The following SETD9 variants were observed in gnomAD, a reference collection of about 807,000 sequenced individuals.
The protein encoded by SETD9 is SET domain containing 9.
Under a neutral mutation model 36.4 loss-of-function variants are expected in SETD9, and 37 were observed. The ratio of observed to expected loss-of-function variants is 1.02; its 90% confidence interval spans 0.78 to 1.34. The LOEUF (loss-of-function observed/expected upper bound fraction) is 1.34. SETD9 is among the 40% of genes most tolerant of loss of function. The probability of loss-of-function intolerance (pLI) is 0.00; values close to 1 mark genes in which losing one functional copy is unlikely to be tolerated. For synonymous variants in SETD9, 128 were observed against 132.9 expected, an observed-to-expected ratio of 0.96 and a Z score of 0.26; for missense variants, 323 against 353.2, an observed-to-expected ratio of 0.91 and a Z score of 0.69.
At chr5:56,910,342 A>T (rs1749051098) in intron 1 of SETD9, 1 of 1,304,286 alleles carries the variant, frequency 7.7e-7, no homozygotes, top group Non-Finnish European at 1.0e-6. Flanking sequence ...GCGCGTTAAG[A>T]ACGGGCAGAA....
downstream of SETD9, chr5:56,919,615 AT>A (rs1749569937): frequency 6.6e-6 from 1 of 152,634 alleles, no homozygotes; most frequent in Non-Finnish European, 1.5e-5. Flanking sequence ...AGATTCCCAG[AT>A]TTTTATTTCT....
chr5:56,909,617 C>T lies in SETD9; in HGVS notation c.-29C>T, dbSNP rs373300964. The T allele has an allele frequency of 6.9e-5, 108 of 1,572,678 alleles. No homozygotes were observed. In the African/African-American group the frequency reaches 1.1e-3, roughly 15 times the overall value. On this transcript the variant is annotated 5_prime_UTR_variant, in exon 1 of 6. Coordinates refer to ENST00000285947, the MANE Select transcript of SETD9 (RefSeq NM_153706.4). ...AGGCCTCGATCCGCCTTCCCCGCGC[C>T]GTCCTGGTCACGGCCCCGCGGGGCA...
chr5:56,925,785 C>T (rs1749943824), downstream of SETD9, among the ~76,000 whole-genome samples: 2 of 151,632 alleles, frequency 1.3e-5, no homozygotes, highest in South Asian at 4.2e-4. Context: ...CCCAGAATAG[C>T]CAACATAGTA....
At chr5:56,915,507 A>G (rs920433679) in intron 5 of SETD9, among the ~76,000 whole-genome samples, 1 of 152,236 alleles carries the variant, frequency 6.6e-6, no homozygotes, top group Non-Finnish European at 1.5e-5. Flanking sequence ...ATTTTAAAAT[A>G]TAGGTAATTC....
intron 2 of SETD9, chr5:56,912,399 A>C (rs998441859): frequency 2.1e-5 from 6 of 287,200 alleles, no homozygotes; most frequent in Admixed American, 1.9e-4. Context: ...GTTTTTAAAA[A>C]TTCATTCTCC....
At chr5:56,915,123 C>T (rs1449242863) in intron 5 of SETD9, among the ~76,000 whole-genome samples, 157 bp downstream of exon 5, 1 of 152,020 alleles carries the variant, frequency 6.6e-6, no homozygotes, top group Non-Finnish European at 1.5e-5. Flanking sequence ...TTAATGTAGG[C>T]TTATTTGAAA....
chr5:56,913,548 T>A (rs1225061256), intron 3 of SETD9, among the ~76,000 whole-genome samples: 1 of 151,978 alleles, frequency 6.6e-6, no homozygotes, highest in Non-Finnish European at 1.5e-5. Flanking sequence ...CAGGCCCAGA[T>A]AATTTTTGTA....
downstream of SETD9, chr5:56,919,508 T>TAAC (rs1426329845): frequency 3.3e-5 from 5 of 152,346 alleles, no homozygotes; most frequent in East Asian, 9.6e-4. Context: ...AAAACCAATT[T>TAAC]AACAGTGGTA....
chr5:56,910,478 A>G (rs1261404852), intron 1 of SETD9: 21 of 1,132,422 alleles, frequency 1.9e-5, no homozygotes, highest in South Asian at 1.3e-4. Flanking sequence ...GGCCTCCCTG[A>G]AGTCAGTGTC....
At chr5:56,923,557 G>A (rs148258222) in intron 5 of SETD9, 158 of 1,613,816 alleles carry the variant, frequency 9.8e-5, no homozygotes, top group East Asian at 3.1e-4. Context: ...CTGTGGGGTC[G>A]CAGACGGTTG....
chr5:56,910,687 G>C (rs1026864161), intron 1 of SETD9: 1 of 235,688 alleles, frequency 4.2e-6, no homozygotes, highest in African/African-American at 2.4e-5. Flanking sequence ...CCTGGAGGGA[G>C]TGTCACAAAG....
intron 4 of SETD9, 64 bp downstream of exon 4, chr5:56,914,053 T>C: frequency 8.2e-7 from 1 of 1,214,158 alleles, no homozygotes; most frequent in African/African-American, 1.5e-5. Flanking sequence ...TCCTTTGTCA[T>C]ATGACTGAGT....
intron 3 of SETD9, 139 bp from the exon 4 acceptor site, chr5:56,913,735 T>C (rs1579812875): frequency 1.7e-6 from 1 of 585,602 alleles, no homozygotes; most frequent in East Asian, 2.8e-5. Context: ...GTGTAACAAC[T>C]CAGTTGCCCT....
intron 4 of SETD9, among the ~76,000 whole-genome samples, chr5:56,914,638 T>C (rs1282563929): frequency 1.3e-5 from 2 of 152,140 alleles, no homozygotes; most frequent in Non-Finnish European, 2.9e-5. Flanking sequence ...ATGTTTTATA[T>C]ATGTCTTTTT....
chr5:56,913,738 G>A, intron 3 of SETD9, 136 bp from the exon 4 acceptor site: 2 of 589,158 alleles, frequency 3.4e-6, no homozygotes, highest in South Asian at 4.6e-5. Flanking sequence ...TAACAACTCA[G>A]TTGCCCTACT....
At position 56,911,156 on chromosome 5, in the gene SETD9, T is replaced by G. The variant is rs1265643007; in HGVS notation, c.99-13T>G. On this transcript the variant is annotated splice_polypyrimidine_tract_variant and intron_variant, in intron 1 of 5. Coordinates refer to ENST00000285947, the MANE Select transcript of SETD9 (RefSeq NM_153706.4). ...GTTGAAGGGTAGTGAATAGAAACTTTTCCCATTTTCAGGACCCTCCGATAT... is the reference window on the plus strand; with the variant it reads ...GTTGAAGGGTAGTGAATAGAAACTTGTCCCATTTTCAGGACCCTCCGATAT... The G allele has an allele frequency of 6.6e-7, 1 of 1,521,724 alleles. No individual in the cohort carries two copies. Among genetic ancestry groups the G allele is most frequent in the Admixed American group, 2.3e-5 (1 of 43,272 alleles). 94.3% of individuals were successfully genotyped at this position (1,521,724 alleles called of 1,614,324 possible). A position where few individuals can be genotyped will look rare whatever the true frequency, so the allele number is the denominator to read the frequency against.
upstream of SETD9, chr5:56,909,359 G>T: frequency 3.0e-6 from 1 of 336,298 alleles, no homozygotes; most frequent in Non-Finnish European, 5.4e-6. Flanking sequence ...CGCAACCAGG[G>T]CTAGCGCTTG....
chr5:56,915,385 C>G (rs1352251668), intron 5 of SETD9, among the ~76,000 whole-genome samples: 1 of 152,098 alleles, frequency 6.6e-6, no homozygotes, highest in African/African-American at 2.4e-5. Flanking sequence ...CTATTAGGTT[C>G]TTAATAATGA....
chr5:56,911,697 G>A (rs1749139426), intron 2 of SETD9, 161 bp downstream of exon 2: 2 of 744,000 alleles, frequency 2.7e-6, no homozygotes, highest in Admixed American at 3.3e-5. Flanking sequence ...TTAACTGTTT[G>A]TAAATTGTTT....
Sources: allele counts gnomAD v4.1 joint callset (sites outside exome capture counted in the v4.1 genomes callset), GRCh38; gene constraint gnomAD v4.1.1; transcripts MANE v1.5; gene names NCBI Gene and HGNC (gene_info 2026-07-23, HGNC 2026-07-21).